CPT1A: variants seen among roughly 807,000 people sequenced by gnomAD.
The protein encoded by CPT1A is carnitine O-palmitoyltransferase 1, liver isoform.
Under a neutral mutation model 100.8 loss-of-function variants are expected in CPT1A, and 64 were observed. The ratio of observed to expected loss-of-function variants is 0.63; its 90% CI spans 0.52 to 0.78. The LOEUF is 0.78. CPT1A is among the 30% of genes least tolerant of loss of function. CPT1A has a pLI of 0.00. For missense variants in CPT1A, 802 were observed against 1,034.1 expected (o/e 0.78, Z 3.08); for synonymous variants, 363 against 396.0 (o/e 0.92, Z 0.99).
intron 1 of CPT1A, chr11:68,839,808 C>T (rs553238153): frequency 1.5e-6 from 1 of 666,606 alleles, no homozygotes; most frequent in East Asian, 1.4e-4. Flanking sequence ...AACTTGACCG[C>T]TCGGTGACCA....
At chr11:68,757,775 A>G (rs1163161381) in intron 18 of CPT1A, 45 bp from the exon 19 acceptor site, 6 of 1,520,272 alleles carry the variant, frequency 3.9e-6, no homozygotes, top group Non-Finnish European at 4.6e-6. Context: ...AAACGTGGCC[A>G]TCCCCACATT....
At chr11:68,805,883 T>C (rs1342053478) in intron 4 of CPT1A, among the ~76,000 whole-genome samples, 1 of 152,066 alleles carries the variant, frequency 6.6e-6, no homozygotes, top group Admixed American at 6.6e-5. Context: ...ATGACTACAA[T>C]GGGCAGATGG....
intron 6 of CPT1A, 37 bp from the exon 7 acceptor site, chr11:68,796,970 A>G (rs780784066): frequency 3.7e-6 from 6 of 1,603,378 alleles, no homozygotes; most frequent in Non-Finnish European, 5.1e-6. Flanking sequence ...CCGCAGGCTC[A>G]GCAGGGGCCA....
In CPT1A at chr11:68,780,725, G is replaced by A. The variant is rs754141081; in HGVS notation, c.1373C>T (p.Thr458Met). ...CTTCCCGTTTTTGAAGACAACAAAC[G>A]TGAACGACTTGTCAAACCACCTACG... Reference protein sequence around the residue: ...CYDRWFDKSFTFVVFKNGKMG... With the variant: ...CYDRWFDKSFMFVVFKNGKMG... Residue 458 changes from threonine (T) to methionine (M), a missense_variant, in exon 12 of 19, where the codon ACG becomes ATG. By Grantham distance (81) the Thr-to-Met change is moderately conservative. Transcript: ENST00000265641. The A allele has an allele frequency of 1.9e-6, 3 of 1,614,222 alleles. No homozygotes were observed. The highest frequency in any genetic ancestry group is 1.1e-5 in the South Asian group (1 of 91,092).
chr11:68,782,940 A>T (rs1214184056), intron 10 of CPT1A, among the ~76,000 whole-genome samples: 2 of 152,162 alleles, frequency 1.3e-5, no homozygotes, highest in Non-Finnish European at 2.9e-5. Context: ...AGGCGCCTAC[A>T]GACCCACAGG....
chr11:68,755,621 G>T lies in CPT1A; in HGVS notation c.*2023C>A, dbSNP rs1345846177. The T allele has an allele frequency of 6.6e-6, 1 of 150,766 alleles. No individual in the cohort carries two copies. The highest frequency in any genetic ancestry group is 2.4e-5 in the African/African-American group (1 of 41,096). The allele number at this position is 150,766 out of a possible 1,614,324, so 9.3% of individuals were successfully genotyped here. The stretch of plus-strand genomic sequence containing the variant: ...AGACGGGGTTTCACCGTGTTAGCCA[G>T]GATGGTCTCCATCTCCTGACCTCGT... On this transcript the variant is annotated 3_prime_UTR_variant, in exon 19 of 19. Transcript: ENST00000265641.
chr11:68,762,430 T>G (rs943575876), intron 15 of CPT1A, among the ~76,000 whole-genome samples, 197 bp downstream of exon 15: 5 of 152,254 alleles, frequency 3.3e-5, no homozygotes, highest in Non-Finnish European at 7.3e-5. Context: ...GTCTCTGTCC[T>G]TGTCCCTACC....
intron 1 of CPT1A, among the ~76,000 whole-genome samples, chr11:68,821,019 C>T (rs1355656945): frequency 2.0e-5 from 3 of 152,182 alleles, no homozygotes; most frequent in Non-Finnish European, 4.4e-5. Context: ...TTTTGAGACA[C>T]AGTCTCGCTC....
At chr11:68,768,007 T>C (rs1226471960) in intron 14 of CPT1A, among the ~76,000 whole-genome samples, 1 of 148,700 alleles carries the variant, frequency 6.7e-6, no homozygotes, top group African/African-American at 2.5e-5. Flanking sequence ...TCTTTAACCT[T>C]GGCAAAATCA....
intron 1 of CPT1A, among the ~76,000 whole-genome samples, chr11:68,840,394 C>G (rs1250833961): frequency 6.6e-6 from 1 of 152,180 alleles, no homozygotes; most frequent in African/African-American, 2.4e-5. Context: ...GCTTGCATAT[C>G]TGGAATGACC....
At chr11:68,826,055 A>C (rs1309500865) in intron 1 of CPT1A, among the ~76,000 whole-genome samples, 1 of 151,762 alleles carries the variant, frequency 6.6e-6, no homozygotes, top group Non-Finnish European at 1.5e-5. Context: ...TTCGCACCAC[A>C]CCCGCCTTCC....
At chr11:68,833,053 C>T (rs1365840916) in intron 1 of CPT1A, among the ~76,000 whole-genome samples, 3 of 152,188 alleles carry the variant, frequency 2.0e-5, no homozygotes, top group Admixed American at 6.5e-5. Context: ...GATTCTGCTT[C>T]GCTAGAAAGC....
At chr11:68,812,374 CAT>C in intron 3 of CPT1A, 61 bp downstream of exon 3, 3 of 1,590,152 alleles carry the variant, frequency 1.9e-6, no homozygotes, top group Non-Finnish European at 2.6e-6. Flanking sequence ...TTTGAAGAGA[CAT>C]AAAAACAGCA....
intron 14 of CPT1A, among the ~76,000 whole-genome samples, chr11:68,772,514 C>T (rs199627894): frequency 7.0e-6 from 1 of 143,532 alleles, no homozygotes; most frequent in Non-Finnish European, 1.5e-5. Flanking sequence ...ACAGGGGTTG[C>T]CAGGTGCAAG....
chr11:68,779,184 C>T (rs1399925976), intron 12 of CPT1A, among the ~76,000 whole-genome samples: 3 of 152,094 alleles, frequency 2.0e-5, no homozygotes, highest in Non-Finnish European at 4.4e-5. Context: ...CCACACACGC[C>T]GTGACTTTCA....
chr11:68,813,258 C>T (rs1018434727), intron 2 of CPT1A, among the ~76,000 whole-genome samples: 1 of 151,952 alleles, frequency 6.6e-6, no homozygotes, highest in Non-Finnish European at 1.5e-5. Flanking sequence ...AGGCCAGGTG[C>T]GGTGGCTCAC....
rs1024913256 is a variant in CPT1A, at chr11:68,841,653, G to A, written c.-14+122C>T. Reference sequence around the variant, plus strand: ...ATACCGGGGTTCCTCTCGGCGCCCCGGTTCCGGCGGCGTCCCCCACCCGGT... The same window carrying A: ...ATACCGGGGTTCCTCTCGGCGCCCCAGTTCCGGCGGCGTCCCCCACCCGGT... On this transcript the variant is annotated intron_variant, in intron 1 of 18. Transcript: ENST00000265641. This position sits in a 1 kb window ranked among gnomAD's most constrained non-coding sequence, Gnocchi z 6.3. 1.3e-5 allele frequency: 6 copies of A among 468,428 alleles called. No homozygotes were observed. The highest frequency in any genetic ancestry group is 1.3e-4 in the African/African-American group (6 of 47,312). The allele number at this position is 468,428 out of a possible 1,614,324, so 29.0% of individuals were successfully genotyped here. A position where few individuals can be genotyped will look rare whatever the true frequency, so the allele number is the denominator to read the frequency against.
At chr11:68,775,543 A>G (rs947335336) in intron 12 of CPT1A, 111 bp from the exon 13 acceptor site, 2 of 856,398 alleles carry the variant, frequency 2.3e-6, no homozygotes, top group South Asian at 1.4e-5. Flanking sequence ...AGTTTGAATC[A>G]CAGCTGTTAA....
intron 9 of CPT1A, among the ~76,000 whole-genome samples, chr11:68,785,449 T>A (rs1465061691): frequency 6.6e-6 from 1 of 151,002 alleles, no homozygotes; most frequent in Non-Finnish European, 1.5e-5. Flanking sequence ...TAGTCCCAGC[T>A]ACTCGGGAGG....
Sources: allele counts gnomAD v4.1 joint callset (sites outside exome capture counted in the v4.1 genomes callset), GRCh38; gene constraint gnomAD v4.1.1; non-coding constraint Gnocchi (gnomAD v3.1); transcripts MANE v1.5; gene names NCBI Gene and HGNC (gene_info 2026-07-23, HGNC 2026-07-21).